HEATR1: variants seen among roughly 807,000 people sequenced by gnomAD.
HEATR1 encodes HEAT repeat-containing protein 1.
A neutral mutation model predicts 248.2 loss-of-function variants in HEATR1; 77 were observed. That is an observed-to-expected ratio of 0.31 (90% CI 0.26 to 0.37). The LOEUF (loss-of-function observed/expected upper bound fraction) is 0.37. HEATR1 is among the 10% of genes least tolerant of loss of function. The probability of loss-of-function intolerance (pLI) is 1.00; values close to 1 mark genes in which losing one functional copy is unlikely to be tolerated. For synonymous variants in HEATR1, 897 were observed against 923.1 expected (o/e 0.97, Z 0.51); for missense variants, 2,420 against 2,504.9 (o/e 0.97, Z 0.72).
chr1:236,555,744 C>T (rs1235843102), intron 39 of HEATR1, 61 bp downstream of exon 39: 70 of 1,609,514 alleles, frequency 4.3e-5, no homozygotes, highest in Non-Finnish European at 5.8e-5. Flanking sequence ...CTAGATTGTT[C>T]TCGGACTCTT....
At position 236,565,918 on chromosome 1, in the gene HEATR1, CCTT is replaced by C. The variant is rs781070131; in HGVS notation, c.4433_4435del (p.Glu1479del). On this transcript the variant is annotated inframe_deletion and splice_region_variant, in exon 31 of 45. Coordinates refer to ENST00000366582, the MANE Select transcript of HEATR1 (RefSeq NM_018072.6). ...GTAAGTGACACCCGATCTACGCTTA[CCTT>C]CTTTTTCCTCTGGCAGCTTTAGTAA... 2 of 1,613,014 alleles carry C rather than the reference CCTT, an allele frequency of 1.2e-6. No individual in the cohort carries two copies. Among genetic ancestry groups the C allele is most frequent in the Non-Finnish European group, 1.7e-6 (2 of 1,179,594 alleles).
At chr1:236,592,280 A>G (rs1025085213) in intron 10 of HEATR1, among the ~76,000 whole-genome samples, 170 bp from the exon 11 acceptor site, 2 of 152,206 alleles carry the variant, frequency 1.3e-5, no homozygotes, top group Non-Finnish European at 2.9e-5. Context: ...GTGTGTTACT[A>G]TGACTACTCC....
intron 3 of HEATR1, among the ~76,000 whole-genome samples, chr1:236,600,626 G>A (rs545168540): frequency 7.2e-5 from 11 of 151,792 alleles, no homozygotes; most frequent in Admixed American, 2.0e-4. Flanking sequence ...CGCCTCCCAA[G>A]TTCAAGCGAT....
intron 36 of HEATR1, 95 bp from the exon 37 acceptor site, chr1:236,557,440 G>T: frequency 1.5e-6 from 2 of 1,307,654 alleles, no homozygotes; most frequent in Non-Finnish European, 2.1e-6. Flanking sequence ...AGCAAACTGT[G>T]CCTATTACAT....
Position 236,603,895 on chromosome 1 carries a change from C to T in HEATR1, c.142+59G>A, listed in dbSNP as rs1013680269. On this transcript the variant is annotated intron_variant, in intron 2 of 44. Transcript: ENST00000366582. ...AGAAAACAAGGGGAAAAAAAAAAAA[C>T]AGTAACATCCAGAAAACAAACGCTT... The T allele has an allele frequency of 4.7e-6, 7 of 1,485,906 alleles. No individual in the cohort carries two copies. In the Admixed American group the frequency reaches 1.6e-4, roughly 34 times the overall value. The allele number at this position is 1,485,906 out of a possible 1,614,324, so 92.0% of individuals were successfully genotyped here.
In HEATR1 at chr1:236,549,147, C is replaced by T. The variant is rs1572024891; in HGVS notation, c.*1755G>A. The stretch of plus-strand genomic sequence containing the variant: ...AGGTAATGCAGAAATCTGTTTTGTT[C>T]CCATGAAATCACCAATCAAGGCCTC... On this transcript the variant is annotated 3_prime_UTR_variant, in exon 45 of 45. Coordinates refer to ENST00000366582, the MANE Select transcript of HEATR1 (RefSeq NM_018072.6). The T allele has an allele frequency of 5.0e-6, 2 of 396,156 alleles. No homozygotes were observed. Among genetic ancestry groups the T allele is most frequent in the East Asian group, 7.1e-5 (2 of 28,016 alleles). The allele number at this position is 396,156 out of a possible 1,614,324, so 24.5% of individuals were successfully genotyped here.
In HEATR1 at chr1:236,558,264, T is replaced by A; in HGVS notation, c.5177A>T (p.Glu1726Val). 6.2e-7 allele frequency: 1 copy of A among 1,613,532 alleles called. No individual in the cohort carries two copies. Among genetic ancestry groups the A allele is most frequent in the South Asian group, 1.1e-5 (1 of 90,992 alleles). The change falls in exon 36 of 45, where the codon GAG (glutamate) becomes GTG (valine). Residue 1726 changes from glutamate (E) to valine (V), a missense_variant. By Grantham distance (121) the Glu-to-Val change is moderately radical (BLOSUM62 -2). Transcript: ENST00000366582. ...LCIAEVTSTL[E>V]ALAIPQLPSL... ...GGGAAGCTGGGGGATGGCCAGCGCCTCCAGGGTGGAGGTCACCTCTGCTAT... is the reference window on the plus strand; with the variant it reads ...GGGAAGCTGGGGGATGGCCAGCGCCACCAGGGTGGAGGTCACCTCTGCTAT...
chr1:236,576,816 T>C lies in HEATR1; in HGVS notation c.2889A>G (p.Ala963=), dbSNP rs776570916. 2 of 1,613,974 alleles carry C rather than the reference T, an allele frequency of 1.2e-6. No homozygotes were observed. The highest frequency in any genetic ancestry group is 1.7e-6 in the Non-Finnish European group (2 of 1,179,938). Residue 963 remains alanine (A), a synonymous_variant, in exon 21 of 45, where the codon GCA becomes GCG. Transcript: ENST00000366582. ...YLIIDHLISK[A]EEITSDAAYV... ...AGGCAGCATCTGAAGTGATCTCCTC[T>C]GCTTTAGAAATCAAATGATCTATTA... is the stretch of plus-strand genomic sequence containing the variant.
intron 5 of HEATR1, 25 bp downstream of exon 5, chr1:236,597,853 T>C (rs750219052): frequency 3.7e-5 from 53 of 1,444,518 alleles, no homozygotes; most frequent in Non-Finnish European, 4.8e-5. Context: ...CATAAAATTA[T>C]ATACTCATGA....
intron 20 of HEATR1, among the ~76,000 whole-genome samples, chr1:236,579,774 T>G (rs2794772): frequency 1.3e-5 from 2 of 152,114 alleles, no homozygotes; most frequent in South Asian, 4.2e-4. Flanking sequence ...AAATTACATA[T>G]CTACTTTAAA....
chr1:236,594,399 C>T (rs1283515172), intron 8 of HEATR1, among the ~76,000 whole-genome samples: 1 of 152,148 alleles, frequency 6.6e-6, no homozygotes, highest in African/African-American at 2.4e-5. Flanking sequence ...ATTAGTCTTT[C>T]CCCAGGTCAC....
At chr1:236,564,236 T>C (rs909113205) in intron 32 of HEATR1, among the ~76,000 whole-genome samples, 1 of 152,244 alleles carries the variant, frequency 6.6e-6, no homozygotes, top group Non-Finnish European at 1.5e-5. Context: ...GTAGTTTTTT[T>C]GGTGTACAGG....
intron 9 of HEATR1, among the ~76,000 whole-genome samples, chr1:236,593,102 G>A (rs1364342313): frequency 1.3e-5 from 2 of 152,154 alleles, no homozygotes; most frequent in African/African-American, 4.8e-5. Context: ...GCTGAGGCAG[G>A]AGAATCGCTT....
Position 236,555,478 on chromosome 1 carries a change from A to T in HEATR1, c.5755-14T>A. 1 of 1,614,176 alleles carries T rather than the reference A, an allele frequency of 6.2e-7. No individual in the cohort carries two copies. Among genetic ancestry groups the T allele is most frequent in the Non-Finnish European group, 8.5e-7 (1 of 1,180,020 alleles). On this transcript the variant is annotated splice_polypyrimidine_tract_variant and intron_variant, in intron 40 of 44. Coordinates refer to ENST00000366582, the MANE Select transcript of HEATR1 (RefSeq NM_018072.6). ...CCAATCAAACAGCTGAAAGGATAAG[A>T]CAGTATTAGTTTCTTCGACATCTTG...
At position 236,595,673 on chromosome 1, in the gene HEATR1, C is replaced by A; in HGVS notation, c.957G>T (p.Lys319Asn). ...GAACATTACATAAGTGAGGGAATGG[C>A]CTTTGAAGAAGCAAAAGTACATATC... ...QRQKPESLGK[K>N]PFPHLCNVPD... The change falls in exon 8 of 45, where the codon AAG becomes AAT. Residue 319 changes from lysine (K) to asparagine (N), a missense_variant and splice_region_variant. Physicochemically the swap from Lys to Asn is moderately conservative, Grantham distance 94. Coordinates refer to ENST00000366582, the MANE Select transcript of HEATR1 (RefSeq NM_018072.6). 6.2e-7 allele frequency: 1 copy of A among 1,610,116 alleles called. No homozygotes were observed. The highest frequency in any genetic ancestry group is 8.5e-7 in the Non-Finnish European group (1 of 1,177,998).
At chr1:236,561,420 T>A in intron 32 of HEATR1, 149 bp from the exon 33 acceptor site, 1 of 668,728 alleles carries the variant, frequency 1.5e-6, no homozygotes, top group African/African-American at 1.8e-5. Flanking sequence ...TCATATCATC[T>A]TCATTATACT....
intron 20 of HEATR1, among the ~76,000 whole-genome samples, chr1:236,580,362 T>C (rs1663681012): frequency 6.6e-6 from 1 of 152,228 alleles, no homozygotes; most frequent in Non-Finnish European, 1.5e-5. Flanking sequence ...AACCCATTGC[T>C]GCTACAGCTC....
chr1:236,589,500 T>A (rs1572050131), intron 12 of HEATR1, among the ~76,000 whole-genome samples: 3 of 152,106 alleles, frequency 2.0e-5, no homozygotes, highest in South Asian at 4.1e-4. Flanking sequence ...AAACAAAAAT[T>A]TTTTTTTAAA....
intron 14 of HEATR1, among the ~76,000 whole-genome samples, chr1:236,587,007 T>A (rs1663905122): frequency 6.6e-6 from 1 of 152,174 alleles, no homozygotes; most frequent in Admixed American, 6.5e-5. Flanking sequence ...CATTAAAAAC[T>A]TACCACAGAT....
Sources: allele counts gnomAD v4.1 joint callset (sites outside exome capture counted in the v4.1 genomes callset), GRCh38; gene constraint gnomAD v4.1.1; transcripts MANE v1.5; gene names NCBI Gene and HGNC (gene_info 2026-07-23, HGNC 2026-07-21).